Variants in UBQLN3 observed in about 807,000 individuals in gnomAD.
The protein encoded by UBQLN3 is ubiquilin-3.
A neutral mutation model predicts 2.9 loss-of-function variants in UBQLN3; 1 was observed. The observed-to-expected ratio is 0.35, with a 90% confidence interval of 0.12 to 1.66. The LOEUF (loss-of-function observed/expected upper bound fraction) is 1.66, where lower values mean the gene tolerates loss of function less well. Among genes scored for constraint, UBQLN3 ranks in the 40% most tolerant of loss-of-function variants. The pLI is 0.35. For synonymous variants in UBQLN3, 358 were observed against 317.6 expected (o/e 1.13, Z -1.35); for missense variants, 924 against 816.5 (o/e 1.13, Z -1.61).
Position 5,508,947 on chromosome 11 carries a change from G to T in UBQLN3, c.612C>A (p.Asn204Lys). 1.2e-6 allele frequency: 2 copies of T among 1,614,174 alleles called. No individual in the cohort carries two copies. The highest frequency in any genetic ancestry group is 2.2e-5 in the South Asian group (2 of 91,074). Residue 204 changes from asparagine (N) to lysine (K), a missense_variant, in exon 2 of 2, where the codon AAC (asparagine) becomes AAA (lysine). Physicochemically the swap from Asn to Lys is moderately conservative, Grantham distance 94 (BLOSUM62 0). Coordinates refer to ENST00000311659, the MANE Select transcript of UBQLN3 (RefSeq NM_017481.4). This position sits in a 1 kb window ranked among gnomAD's most constrained non-coding sequence, Gnocchi z 4.2. ...TGTTAAGAATATGCCCAATCTCAGG[G>T]TTGTGCTGGATCAGCTGCTGCATAT... ...NPHMQQLIQH[N>K]PEIGHILNNP...
chr11:5,509,012 T>C lies in UBQLN3; in HGVS notation c.547A>G (p.Asn183Asp). The C allele has an allele frequency of 1.9e-6, 3 of 1,614,098 alleles. No homozygotes were observed. Among genetic ancestry groups the C allele is most frequent in the Non-Finnish European group, 2.5e-6 (3 of 1,179,972 alleles). The stretch of plus-strand genomic sequence containing the variant: ...ACCAGCTGGCGTACTAGGCCTGTGT[T>C]GGACAGCAGACCCGGGATGAAGGGG... Reference protein sequence around the residue: ...DDPFIPGLLSNTGLVRQLVLD... With the variant: ...DDPFIPGLLSDTGLVRQLVLD... Residue 183 changes from asparagine to aspartate, a missense_variant, in exon 2 of 2, where the codon AAC (asparagine) becomes GAC (aspartate). Coordinates refer to ENST00000311659, the MANE Select transcript of UBQLN3 (RefSeq NM_017481.4).
At position 5,508,341 on chromosome 11, in the gene UBQLN3, C is replaced by T; in HGVS notation, c.1218G>A (p.Arg406=). The change falls in exon 2 of 2, where the codon AGG becomes AGA. Residue 406 remains arginine (R), a synonymous_variant. Transcript: ENST00000311659. The surrounding 1 kb of genome is among the most constrained non-coding windows in gnomAD (Gnocchi z 4.2). ...LPEESVAIKG[R]SSCPAFLRYP... is the part of the protein sequence containing the mutation. ...ATCTCAGGAAAGCTGGGCAGGAGGA[C>T]CTTCCCTTGATTGCTACTGACTCCT... 6.2e-7 allele frequency: 1 copy of T among 1,608,280 alleles called. No individual in the cohort carries two copies.
rs1269235487 is a variant in UBQLN3 at position 5,509,455 on chromosome 11, A to C, written c.104T>G (p.Phe35Cys). The change falls in exon 2 of 2, where the codon TTC (phenylalanine) becomes TGC (cysteine). Residue 35 changes from phenylalanine (F) to cysteine (C), a missense_variant. Phe to Cys is a radical substitution (Grantham distance 205, BLOSUM62 -2). Coordinates refer to ENST00000311659, the MANE Select transcript of UBQLN3 (RefSeq NM_017481.4). ...TVKTPKDKED[F>C]SVTDTCTIQQ... ...GATAGTGCATGTGTCTGTAACTGAG[A>C]AATCCTCCTTGTCTTTGGGCGTCTT... 4 of 1,614,170 alleles carry C rather than the reference A, an allele frequency of 2.5e-6. No homozygotes were observed. Among genetic ancestry groups the C allele is most frequent in the Non-Finnish European group, 2.5e-6 (3 of 1,179,990 alleles).
Position 5,508,183 on chromosome 11 carries a change from G to A in UBQLN3, c.1376C>T (p.Pro459Leu). ...GGCTGCCGTGGGGGAAAAAGATAAG[G>A]GAGCAAATGGAACCCTGTTGGCAGA... ...GDSANRVPFAPLSFSPTAAIP... is the reference protein window; with the variant it reads ...GDSANRVPFALLSFSPTAAIP... The change falls in exon 2 of 2, where the codon CCC (proline) becomes CTC (leucine). Residue 459 changes from proline to leucine, a missense_variant. Physicochemically the swap from Pro to Leu is moderately conservative, Grantham distance 98. Transcript: ENST00000311659. This position sits in a 1 kb window ranked among gnomAD's most constrained non-coding sequence, Gnocchi z 4.2. 2.5e-6 allele frequency: 4 copies of A among 1,614,172 alleles called. No homozygotes were observed. Among genetic ancestry groups the A allele is most frequent in the South Asian group, 1.1e-5 (1 of 91,074 alleles).
At position 5,508,754 on chromosome 11, in the gene UBQLN3, C is replaced by T; in HGVS notation, c.805G>A (p.Val269Ile). The T allele has an allele frequency of 6.2e-7, 1 of 1,614,092 alleles. No individual in the cohort carries two copies. Among genetic ancestry groups the T allele is most frequent in the East Asian group, 2.2e-5 (1 of 44,856 alleles). The change falls in exon 2 of 2, where the codon GTC (valine) becomes ATC (isoleucine). Residue 269 changes from valine (V) to isoleucine (I), a missense_variant. Val to Ile is a conservative substitution (Grantham distance 29, BLOSUM62 3). Coordinates refer to ENST00000311659, the MANE Select transcript of UBQLN3 (RefSeq NM_017481.4). The surrounding 1 kb of genome is among the most constrained non-coding windows in gnomAD (Gnocchi z 4.2). Reference sequence around the variant, plus strand: ...GGATTGCCGCCAAACTGCTCCTGGACTGCGTTAAGCATTGGGTCCATAATA... The same window carrying T: ...GGATTGCCGCCAAACTGCTCCTGGATTGCGTTAAGCATTGGGTCCATAATA... ...TDIMDPMLNA[V>I]QEQFGGNPFA...
Position 5,507,613 on chromosome 11 carries a change from A to G in UBQLN3, c.1946T>C (p.Val649Ala). 2 of 1,610,894 alleles carry G rather than the reference A, an allele frequency of 1.2e-6. No homozygotes were observed. Among genetic ancestry groups the G allele is most frequent in the Non-Finnish European group, 1.7e-6 (2 of 1,177,986 alleles). ...IATGGDVDAA[V>A]EKLRQS ...CTCCTACGACTGTCTCAGCTTCTCC[A>G]CAGCAGCATCCACGTCGCCCCCCGT... Residue 649 changes from valine to alanine, a missense_variant, in exon 2 of 2, where the codon GTG (valine) becomes GCG (alanine). Transcript: ENST00000311659.
chr11:5,507,384 C>G lies in UBQLN3; in HGVS notation c.*207G>C. 1 of 1,025,634 alleles carries G rather than the reference C, an allele frequency of 9.8e-7. No individual in the cohort carries two copies. The highest frequency in any genetic ancestry group is 2.0e-5 in the South Asian group (1 of 50,116). The allele number at this position is 1,025,634 out of a possible 1,614,324, so 63.5% of individuals were successfully genotyped here. The stretch of plus-strand genomic sequence containing the variant: ...GGGGCCCCCCAGTGGTATAGTGGTA[C>G]AAGTGGTTGACTCACACACAGCACC... On this transcript the variant is annotated 3_prime_UTR_variant, in exon 2 of 2. Coordinates refer to ENST00000311659, the MANE Select transcript of UBQLN3 (RefSeq NM_017481.4).
Position 5,508,110 on chromosome 11 carries a change from T to A in UBQLN3, c.1449A>T (p.Pro483=). Reference sequence around the variant, plus strand: ...TCATGCCATCTGGCCTCAGAGATCTTGGATAAGCCGGGGATGGCAGCCAGG... The same window carrying A: ...TCATGCCATCTGGCCTCAGAGATCTAGGATAAGCCGGGGATGGCAGCCAGG... The part of the protein sequence containing the change: ...EPPWLPSPAY[P]RSLRPDGMNP... Residue 483 remains proline (P), a synonymous_variant, in exon 2 of 2, where the codon CCA becomes CCT. Coordinates refer to ENST00000311659, the MANE Select transcript of UBQLN3 (RefSeq NM_017481.4). The surrounding 1 kb of genome is among the most constrained non-coding windows in gnomAD (Gnocchi z 4.2). 1 of 1,614,158 alleles carries A rather than the reference T, an allele frequency of 6.2e-7. No individual in the cohort carries two copies. Among genetic ancestry groups the A allele is most frequent in the Non-Finnish European group, 8.5e-7 (1 of 1,180,034 alleles).
At position 5,508,923 on chromosome 11, in the gene UBQLN3, G is replaced by T. The variant is rs199718908; in HGVS notation, c.636C>A (p.Asn212Lys). The change falls in exon 2 of 2, where the codon AAC (asparagine) becomes AAA (lysine). Residue 212 changes from asparagine to lysine, a missense_variant. Asn to Lys is a moderately conservative substitution (Grantham distance 94, BLOSUM62 0). Coordinates refer to ENST00000311659, the MANE Select transcript of UBQLN3 (RefSeq NM_017481.4). This position sits in a 1 kb window ranked among gnomAD's most constrained non-coding sequence, Gnocchi z 4.2. Reference sequence around the variant, plus strand: ...GTGTCTGCCGCATAATTTCCGGGTTGTTAAGAATATGCCCAATCTCAGGGT... The same window carrying T: ...GTGTCTGCCGCATAATTTCCGGGTTTTTAAGAATATGCCCAATCTCAGGGT... ...QHNPEIGHIL[N>K]NPEIMRQTLE... 6.2e-7 allele frequency: 1 copy of T among 1,614,236 alleles called. No homozygotes were observed. Among genetic ancestry groups the T allele is most frequent in the South Asian group, 1.1e-5 (1 of 91,086 alleles).
intron 1 of UBQLN3, 98 bp downstream of exon 1, chr11:5,509,776 A>C (rs1846446206): frequency 9.6e-6 from 7 of 728,534 alleles, no homozygotes; most frequent in Non-Finnish European, 1.5e-5. Context: ...GATATGTTGG[A>C]ATCAGGGGAG....
Position 5,509,602 on chromosome 11 carries a change from C to A in UBQLN3, c.-36-8G>T, listed in dbSNP as rs755052738. 2 of 1,575,520 alleles carry A rather than the reference C, an allele frequency of 1.3e-6. No individual in the cohort carries two copies. Among genetic ancestry groups the A allele is most frequent in the South Asian group, 2.4e-5 (2 of 83,978 alleles). ...AGATCTGTGGGGACACAGCTAGGGG[C>A]ATGGGGATTGGAGACCAAGATCATC... On this transcript the variant is annotated splice_region_variant and splice_polypyrimidine_tract_variant and intron_variant, in intron 1 of 1. Coordinates refer to ENST00000311659, the MANE Select transcript of UBQLN3 (RefSeq NM_017481.4).
chr11:5,507,781 G>A lies in UBQLN3; in HGVS notation c.1778C>T (p.Pro593Leu). ...LDSAELGFLS[P>L]PFLHMLQDLV... ...ATCTTGCAGCATATGGAGAAAGGGA[G>A]GGGAAAGGAAGCCCAGCTCTGCAGA... The change falls in exon 2 of 2, where the codon CCT (proline) becomes CTT (leucine). Residue 593 changes from proline (P) to leucine (L), a missense_variant. Coordinates refer to ENST00000311659, the MANE Select transcript of UBQLN3 (RefSeq NM_017481.4). 3.1e-6 allele frequency: 5 copies of A among 1,614,076 alleles called. No homozygotes were observed. Among genetic ancestry groups the A allele is most frequent in the Non-Finnish European group, 4.2e-6 (5 of 1,180,010 alleles).
chr11:5,508,256 T>C lies in UBQLN3; in HGVS notation c.1303A>G (p.Thr435Ala), dbSNP rs776572297. The C allele has an allele frequency of 8.7e-6, 14 of 1,614,058 alleles. No homozygotes were observed. In the East Asian group the frequency reaches 2.9e-4, roughly 33 times the overall value. The change falls in exon 2 of 2, where the codon ACT (threonine) becomes GCT (alanine). Residue 435 changes from threonine to alanine, a missense_variant. By Grantham distance (58) the Thr-to-Ala change is moderately conservative (BLOSUM62 0). Transcript: ENST00000311659. This position sits in a 1 kb window ranked among gnomAD's most constrained non-coding sequence, Gnocchi z 4.2. ...GDQDGAGKSS[T>A]GHSTNLPDLV... The stretch of plus-strand genomic sequence containing the variant: ...TCAGGCAAGTTTGTGCTATGTCCAG[T>C]AGAGCTTTTCCCTGCACCATCTTGG...
chr11:5,509,402 G>C lies in UBQLN3; in HGVS notation c.157C>G (p.Arg53Gly), dbSNP rs143866662. 2 of 1,614,036 alleles carry C rather than the reference G, an allele frequency of 1.2e-6. No individual in the cohort carries two copies. Among genetic ancestry groups the C allele is most frequent in the African/African-American group, 2.7e-5 (2 of 74,936 alleles). Residue 53 changes from arginine (R) to glycine (G), a missense_variant, in exon 2 of 2, where the codon CGC (arginine) becomes GGC (glycine). Transcript: ENST00000311659. ...IQQLKEEISQRFKAHPDQLVL... is the reference protein window; with the variant it reads ...IQQLKEEISQGFKAHPDQLVL... ...AGCTGATCGGGGTGGGCCTTAAAGC[G>C]CTGAGATATCTCTTCCTTCAGCTGC...
In UBQLN3 at chr11:5,508,325, A is replaced by G. The variant is rs1475386700; in HGVS notation, c.1234T>C (p.Phe412Leu). The G allele has an allele frequency of 6.2e-7, 1 of 1,609,538 alleles. No homozygotes were observed. Among genetic ancestry groups the G allele is most frequent in the South Asian group, 1.1e-5 (1 of 90,892 alleles). Residue 412 changes from phenylalanine to leucine, a missense_variant, in exon 2 of 2, where the codon TTC (phenylalanine) becomes CTC (leucine). By Grantham distance (22) the Phe-to-Leu change is conservative (BLOSUM62 0). Transcript: ENST00000311659. This position sits in a 1 kb window ranked among gnomAD's most constrained non-coding sequence, Gnocchi z 4.2. Reference protein sequence around the residue: ...AIKGRSSCPAFLRYPTENSTG... With the variant: ...AIKGRSSCPALLRYPTENSTG... ...CTGTTCTCTGTGGGGTATCTCAGGAAAGCTGGGCAGGAGGACCTTCCCTTG... is the reference window on the plus strand; with the variant it reads ...CTGTTCTCTGTGGGGTATCTCAGGAGAGCTGGGCAGGAGGACCTTCCCTTG...
chr11:5,508,584 A>T lies in UBQLN3; in HGVS notation c.975T>A (p.Asp325Glu). The T allele has an allele frequency of 6.2e-7, 1 of 1,614,110 alleles. No individual in the cohort carries two copies. The highest frequency in any genetic ancestry group is 8.5e-7 in the Non-Finnish European group (1 of 1,180,014). The change falls in exon 2 of 2, where the codon GAT becomes GAA. Residue 325 changes from aspartate to glutamate, a missense_variant. Transcript: ENST00000311659. The surrounding 1 kb of genome is among the most constrained non-coding windows in gnomAD (Gnocchi z 4.2). ...SRQGRQDGDQ[D>E]APDIRNRFPN... Reference sequence around the variant, plus strand: ...GAAACCTATTTCTAATGTCAGGTGCATCCTGATCCCCATCCTGCCTTCCTT... The same window carrying T: ...GAAACCTATTTCTAATGTCAGGTGCTTCCTGATCCCCATCCTGCCTTCCTT...
chr11:5,509,537 G>A lies in UBQLN3; in HGVS notation c.22C>T (p.Leu8=), dbSNP rs915735965. 5 of 1,613,582 alleles carry A rather than the reference G, an allele frequency of 3.1e-6. No homozygotes were observed. The African/African-American group carries it at 5.3e-5, about 17-fold the overall frequency. ...ACTGGTGCTGGGCTGCCCTGTGGCAGGGCTTCTCCACCTTTGGCCATGGTG... is the reference window on the plus strand; with the variant it reads ...ACTGGTGCTGGGCTGCCCTGTGGCAAGGCTTCTCCACCTTTGGCCATGGTG... MAKGGEA[L]PQGSPAPVQD... The change falls in exon 2 of 2, where the codon CTG becomes TTG. Residue 8 remains leucine (L), a synonymous_variant. Coordinates refer to ENST00000311659, the MANE Select transcript of UBQLN3 (RefSeq NM_017481.4).
chr11:5,508,113 A>G lies in UBQLN3; in HGVS notation c.1446T>C (p.Tyr482=). ...PEPPWLPSPA[Y]PRSLRPDGMN... is the part of the protein sequence containing the mutation. ...TGCCATCTGGCCTCAGAGATCTTGG[A>G]TAAGCCGGGGATGGCAGCCAGGGAG... The change falls in exon 2 of 2, where the codon TAT becomes TAC. Residue 482 remains tyrosine, a synonymous_variant. Transcript: ENST00000311659. The surrounding 1 kb of genome is among the most constrained non-coding windows in gnomAD (Gnocchi z 4.2). 2 of 1,614,178 alleles carry G rather than the reference A, an allele frequency of 1.2e-6. No homozygotes were observed. The highest frequency in any genetic ancestry group is 1.7e-6 in the Non-Finnish European group (2 of 1,180,038).
At position 5,509,171 on chromosome 11, in the gene UBQLN3, G is replaced by T; in HGVS notation, c.388C>A (p.Pro130Thr). Reference sequence around the variant, plus strand: ...GTGAGGAGACCTAAGCTAAAGGCAGGGGGCCCATCTGCTGGGTAAATGGAG... The same window carrying T: ...GTGAGGAGACCTAAGCTAAAGGCAGTGGGCCCATCTGCTGGGTAAATGGAG... ...PSSIYPADGP[P>T]AFSLGLLTGL... Residue 130 changes from proline (P) to threonine (T), a missense_variant, in exon 2 of 2, where the codon CCT (proline) becomes ACT (threonine). Transcript: ENST00000311659. The T allele has an allele frequency of 6.2e-7, 1 of 1,613,948 alleles. No homozygotes were observed. Among genetic ancestry groups the T allele is most frequent in the Non-Finnish European group, 8.5e-7 (1 of 1,179,874 alleles).
Sources: allele counts gnomAD v4.1 joint callset, GRCh38; gene constraint gnomAD v4.1.1; non-coding constraint Gnocchi (gnomAD v3.1); transcripts MANE v1.5; gene names NCBI Gene and HGNC (gene_info 2026-07-23, HGNC 2026-07-21).